RASGRP3: variants seen among roughly 807,000 people sequenced by gnomAD.
RASGRP3 encodes the protein ras guanyl-releasing protein 3.
A neutral mutation model predicts 82.7 loss-of-function variants in RASGRP3; 54 were observed. The observed-to-expected ratio is 0.65, with a 90% confidence interval of 0.52 to 0.82. RASGRP3 has a LOEUF of 0.82. Among genes scored for constraint, RASGRP3 ranks in the 40% least tolerant of loss-of-function variants. RASGRP3 has a pLI of 0.00. For missense variants in RASGRP3, 861 were observed against 828.9 expected, an observed-to-expected ratio of 1.04 and a Z score of -0.48; for synonymous variants, 309 against 300.5, an observed-to-expected ratio of 1.03 and a Z score of -0.29.
rs538923508 is a variant in RASGRP3, at chr2:33,446,314, G to T, written c.-384-1506G>T. ...TGGGACTACAGGCACCCGCCACCAC[G>T]CCGGGCTAATTTTTTTGTATTTTTA... On this transcript the variant is annotated intron_variant, in intron 1 of 18. Coordinates refer to the RASGRP3 transcript ENST00000402538. Among the ~76,000 whole-genome samples, 6 of 152,122 alleles carry T rather than the reference G, an allele frequency of 3.9e-5. No individual in the cohort carries two copies. In the South Asian group the frequency reaches 1.2e-3, roughly 32 times the overall value.
At chr2:33,468,910 A>C (rs765019876) in intron 2 of RASGRP3, among the ~76,000 whole-genome samples, 9 of 152,214 alleles carry the variant, frequency 5.9e-5, no homozygotes, top group Non-Finnish European at 1.3e-4. Context: ...TTCACATTTT[A>C]AAAAGCTTTT....
chr2:33,509,756 A>AT, intron 1 of RASGRP3, among the ~76,000 whole-genome samples: 1 of 152,056 alleles, frequency 6.6e-6, no homozygotes, highest in East Asian at 1.9e-4. Context: ...TTGCTTATCC[A>AT]TTTATCCTTC....
At chr2:33,510,581 A>G (rs755312133) in intron 1 of RASGRP3, among the ~76,000 whole-genome samples, 21 of 152,134 alleles carry the variant, frequency 1.4e-4, no homozygotes, top group Non-Finnish European at 2.8e-4. Context: ...TTTCGCTTCT[A>G]CAAATTGGTC....
At chr2:33,551,805 A>T (rs1014797332) in intron 14 of RASGRP3, among the ~76,000 whole-genome samples, 1 of 152,154 alleles carries the variant, frequency 6.6e-6, no homozygotes, top group African/African-American at 2.4e-5. Context: ...CATCCTGGCT[A>T]ACACGGTGAA....
chr2:33,507,298 G>A (rs1670473291), intron 1 of RASGRP3, among the ~76,000 whole-genome samples: 1 of 152,144 alleles, frequency 6.6e-6, no homozygotes, highest in Admixed American at 6.5e-5. Flanking sequence ...GGAAGGCTGA[G>A]GTAGGAGAAT....
chr2:33,508,804 G>A (rs1670649552), intron 1 of RASGRP3, among the ~76,000 whole-genome samples: 1 of 152,278 alleles, frequency 6.6e-6, no homozygotes, highest in Middle Eastern at 3.4e-3. Flanking sequence ...GTTTTTGAGA[G>A]GAAGTTTAGT....
At chr2:33,502,786 A>T (rs1669998403) in intron 1 of RASGRP3, among the ~76,000 whole-genome samples, 1 of 152,160 alleles carries the variant, frequency 6.6e-6, no homozygotes, top group Non-Finnish European at 1.5e-5. Flanking sequence ...AAGTGCTGGG[A>T]TTACAGGTGT....
Position 33,527,184 on chromosome 2 carries a change from C to T in RASGRP3, c.855C>T (p.Cys285=), listed in dbSNP as rs1485723167. The T allele has an allele frequency of 1.9e-6, 3 of 1,614,032 alleles. No individual in the cohort carries two copies. The Admixed American group carries it at 5.0e-5, about 27-fold the overall frequency. ...TELVSSNGNY[C]NYRKAFADCD... ...TGGTCTCCTCCAACGGCAATTACTG[C>T]AATTACCGCAAGGCCTTTGCCGACT... Residue 285 remains cysteine (C), a synonymous_variant, in exon 10 of 18, where the codon TGC becomes TGT. Transcript: ENST00000403687.
At chr2:33,464,060 C>T (rs1362508319) in intron 2 of RASGRP3, among the ~76,000 whole-genome samples, 1 of 149,888 alleles carries the variant, frequency 6.7e-6, no homozygotes, top group Non-Finnish European at 1.5e-5. Flanking sequence ...GTGTTCACTT[C>T]ATTTCTCATT....
intron 9 of RASGRP3, among the ~76,000 whole-genome samples, chr2:33,525,866 G>A (rs1440514644): frequency 6.6e-6 from 1 of 152,090 alleles, no homozygotes; most frequent in Non-Finnish European, 1.5e-5. Flanking sequence ...GACATACCTG[G>A]AAGTCCAGAG....
intron 10 of RASGRP3, among the ~76,000 whole-genome samples, chr2:33,527,630 G>A (rs1574428279): frequency 6.6e-6 from 1 of 152,158 alleles, no homozygotes; most frequent in East Asian, 1.9e-4. Context: ...TTTGTTCGGA[G>A]GGGCCCAGTC....
intron 1 of RASGRP3, among the ~76,000 whole-genome samples, chr2:33,486,626 A>G (rs1668421694): frequency 2.6e-5 from 4 of 152,230 alleles, no homozygotes; most frequent in Admixed American, 2.6e-4. Flanking sequence ...TATTCTGTAA[A>G]AGAGAATGTT....
intron 1 of RASGRP3, among the ~76,000 whole-genome samples, chr2:33,447,660 A>T (rs773589356): frequency 6.6e-6 from 1 of 152,060 alleles, no homozygotes; most frequent in Non-Finnish European, 1.5e-5. Context: ...CCTGATATCA[A>T]GTGATTCGAC....
At chr2:33,558,642 C>A in intron 16 of RASGRP3, 30 bp from the exon 17 acceptor site, 1 of 1,544,564 alleles carries the variant, frequency 6.5e-7, no homozygotes, top group South Asian at 1.2e-5. Flanking sequence ...AGTCAGATGT[C>A]AAATAATCAC....
chr2:33,524,052 G>A lies in RASGRP3; in HGVS notation c.690G>A (p.Lys230=). 2 of 1,613,346 alleles carry A rather than the reference G, an allele frequency of 1.2e-6. No individual in the cohort carries two copies. The highest frequency in any genetic ancestry group is 1.7e-6 in the Non-Finnish European group (2 of 1,179,484). Reference sequence around the variant, plus strand: ...TCACAAAGTTTATCAATGTTGCAAAGGTATGTCTGGTAATCAGACTGGGTT... The same window carrying A: ...TCACAAAGTTTATCAATGTTGCAAAAGTATGTCTGGTAATCAGACTGGGTT... ...EVITKFINVA[K]KLLQLKNFNT... The change falls in exon 8 of 18, where the codon AAG becomes AAA. Residue 230 remains lysine (K), a splice_region_variant and synonymous_variant. Coordinates refer to ENST00000403687, the MANE Select transcript of RASGRP3 (RefSeq NM_001139488.2).
chr2:33,518,546 A>G (rs1159372783), intron 4 of RASGRP3, among the ~76,000 whole-genome samples: 35 of 152,140 alleles, frequency 2.3e-4, no homozygotes, highest in Admixed American at 2.3e-3. Flanking sequence ...TTCTTTCCTC[A>G]ATAATAAATT....
At chr2:33,437,675 G>T (rs1664998040) in intron 1 of RASGRP3, among the ~76,000 whole-genome samples, 2 of 152,182 alleles carry the variant, frequency 1.3e-5, no homozygotes, top group African/African-American at 4.8e-5. Context: ...CTCGGCTCAG[G>T]CTCAGTGTGG....
intron 1 of RASGRP3, chr2:33,481,066 T>C (rs1667848485): frequency 6.6e-6 from 1 of 152,260 alleles, no homozygotes; most frequent in African/African-American, 2.4e-5. Context: ...GACTTGTCTA[T>C]GGTCATGGGA....
Position 33,469,893 on chromosome 2 carries a change from A to C in RASGRP3, c.-261+21950A>C, listed in dbSNP as rs368156054. Among the ~76,000 whole-genome samples, 40 of 152,280 alleles carry C rather than the reference A, an allele frequency of 2.6e-4. No homozygotes were observed. The East Asian group carries it at 6.6e-3, about 25-fold the overall frequency. ...TTTTTGAATAGTTTATTCTTTTCCC[A>C]CTGGGTTTAAAAACCATATTGAACA... On this transcript the variant is annotated intron_variant, in intron 2 of 18. Coordinates refer to the RASGRP3 transcript ENST00000402538.
Sources: allele counts gnomAD v4.1 joint callset (sites outside exome capture counted in the v4.1 genomes callset), GRCh38; gene constraint gnomAD v4.1.1; transcripts MANE v1.5; gene names NCBI Gene and HGNC (gene_info 2026-07-23, HGNC 2026-07-21).